Variants in KCNIP3 observed in about 807,000 individuals in gnomAD.
The protein encoded by KCNIP3 is potassium voltage-gated channel interacting protein 3, also known as calsenilin.
A neutral mutation model predicts 35.0 loss-of-function variants in KCNIP3; 28 were observed. That is an observed-to-expected ratio of 0.80 (90% CI 0.59 to 1.10). KCNIP3 has a LOEUF of 1.10. KCNIP3 is among the 50% of genes least tolerant of loss of function. KCNIP3 has a pLI of 0.00. For missense variants in KCNIP3, 295 were observed against 338.4 expected (o/e 0.87, Z 1.01); for synonymous variants, 134 against 133.8 (o/e 1.00, Z -0.01).
chr2:95,360,390 A>G (rs892984185), intron 2 of KCNIP3, among the ~76,000 whole-genome samples: 2 of 152,104 alleles, frequency 1.3e-5, no homozygotes, highest in Non-Finnish European at 2.9e-5. Context: ...ATCTCCAGGA[A>G]GTTTCAGACT....
intron 2 of KCNIP3, among the ~76,000 whole-genome samples, chr2:95,359,588 C>T (rs1679741006): frequency 1.3e-5 from 2 of 152,192 alleles, no homozygotes; most frequent in South Asian, 4.1e-4. Flanking sequence ...GCAGCCCAGC[C>T]CCTGTGGCTC....
Position 95,310,534 on chromosome 2 carries a change from TG to T in KCNIP3, c.181+17del. The stretch of plus-strand genomic sequence containing the variant: ...CACAGGGCTCAGGTAGGGGCCAGGG[TG>T]GGCTGTGGTCAAGGGTGGGGGTGGG... On this transcript the variant is annotated intron_variant, in intron 2 of 8. Transcript: ENST00000295225. The T allele has an allele frequency of 6.9e-7, 1 of 1,444,678 alleles. No individual in the cohort carries two copies. The highest frequency in any genetic ancestry group is 9.2e-7 in the Non-Finnish European group (1 of 1,082,820). 89.5% of individuals were successfully genotyped at this position (1,444,678 alleles called of 1,614,324 possible). A position where few individuals can be genotyped will look rare whatever the true frequency, so the allele number is the denominator to read the frequency against.
intron 2 of KCNIP3, among the ~76,000 whole-genome samples, chr2:95,349,510 C>T (rs1043927360): frequency 6.6e-6 from 1 of 152,232 alleles, no homozygotes; most frequent in African/African-American, 2.4e-5. Flanking sequence ...CCATCAGTCC[C>T]TTTCCCTTGA....
intron 2 of KCNIP3, among the ~76,000 whole-genome samples, chr2:95,317,821 C>T (rs1003121790): frequency 3.9e-5 from 6 of 152,160 alleles, no homozygotes; most frequent in Non-Finnish European, 7.4e-5. Context: ...GGGCAGGAGT[C>T]GGGCGGATTA....
intron 2 of KCNIP3, among the ~76,000 whole-genome samples, chr2:95,365,798 C>A (rs1331172094): frequency 6.6e-6 from 1 of 152,076 alleles, no homozygotes; most frequent in African/African-American, 2.4e-5. Context: ...TGTTTTTCCT[C>A]TTTTACACCC....
At chr2:95,322,649 G>C (rs1287811946) in intron 2 of KCNIP3, among the ~76,000 whole-genome samples, 1 of 152,194 alleles carries the variant, frequency 6.6e-6, no homozygotes, top group Non-Finnish European at 1.5e-5. Flanking sequence ...TTGGGGCCTC[G>C]GTTTTCTTGT....
intron 2 of KCNIP3, among the ~76,000 whole-genome samples, chr2:95,359,873 G>A (rs1272601764): frequency 6.6e-6 from 1 of 152,378 alleles, no homozygotes; most frequent in Non-Finnish European, 1.5e-5. Context: ...GGAATGTGAG[G>A]AGCAGAGTCC....
Position 95,304,586 on chromosome 2 carries a change from CAGG to C in KCNIP3, c.16-5766_16-5764del, listed in dbSNP as rs536040677. On this transcript the variant is annotated intron_variant, in intron 1 of 8. Coordinates refer to ENST00000295225, the MANE Select transcript of KCNIP3 (RefSeq NM_013434.5). ...GGCTGGGTTTACCCCTGTTGAATAA[CAGG>C]AGAACGCATACCCCAGGGACCCTGG... 6.6e-3 allele frequency among the ~76,000 whole-genome samples: 998 copies of C among 152,322 alleles called. 16 individuals carry two copies. Among genetic ancestry groups the C allele is most frequent in the African/African-American group, 0.022 (934 of 41,578 alleles).
intron 5 of KCNIP3, 64 bp from the exon 6 acceptor site, chr2:95,381,532 G>A: frequency 8.2e-7 from 1 of 1,213,432 alleles, no homozygotes; most frequent in Non-Finnish European, 1.2e-6. Flanking sequence ...AAGCCACACA[G>A]CAACTGGAAC....
Position 95,327,434 on chromosome 2 carries a change from C to T in KCNIP3, c.181+16914C>T, listed in dbSNP as rs188428859. 4.5e-4 allele frequency among the ~76,000 whole-genome samples: 69 copies of T among 152,284 alleles called. 1 individual carries two copies. Among genetic ancestry groups the T allele is most frequent in the Admixed American group, 2.0e-3 (30 of 15,298 alleles). On this transcript the variant is annotated intron_variant, in intron 2 of 8. Transcript: ENST00000295225. ...ACGCTTACACTCACACATGCACACA[C>T]GTACACACCCACACACGCACAGTCA... is the stretch of plus-strand genomic sequence containing the variant.
At chr2:95,342,161 C>T (rs2104258806) in intron 2 of KCNIP3, among the ~76,000 whole-genome samples, 1 of 152,226 alleles carries the variant, frequency 6.6e-6, no homozygotes, top group African/African-American at 2.4e-5. Context: ...ACCACAGCCA[C>T]ACGAGAAAGA....
intron 2 of KCNIP3, among the ~76,000 whole-genome samples, chr2:95,325,660 C>T: frequency 6.7e-6 from 1 of 149,180 alleles, no homozygotes; most frequent in African/African-American, 2.4e-5. Context: ...CAAATAGATA[C>T]ACACTCATAC....
intron 2 of KCNIP3, among the ~76,000 whole-genome samples, chr2:95,322,429 C>A (rs1678619626): frequency 1.3e-5 from 2 of 152,128 alleles, no homozygotes; most frequent in Admixed American, 6.6e-5. Flanking sequence ...AAGCCCTGTC[C>A]CCGTGGGACA....
chr2:95,302,073 C>T (rs1257382305), intron 1 of KCNIP3, among the ~76,000 whole-genome samples: 2 of 152,154 alleles, frequency 1.3e-5, no homozygotes, highest in South Asian at 2.1e-4. Context: ...CTGGGGCCTG[C>T]ACGACACAAC....
intron 2 of KCNIP3, among the ~76,000 whole-genome samples, chr2:95,332,758 T>C (rs887085100): frequency 6.6e-6 from 1 of 152,198 alleles, no homozygotes; most frequent in African/African-American, 2.4e-5. Context: ...CTTTATATTT[T>C]CAAGACAACA....
At chr2:95,298,840 TC>T (rs1677946722) in intron 1 of KCNIP3, 1 of 152,274 alleles carries the variant, frequency 6.6e-6, no homozygotes. Context: ...TGCCCCAGGC[TC>T]ACACACTACG....
At chr2:95,305,893 A>G (rs936047524) in intron 1 of KCNIP3, among the ~76,000 whole-genome samples, 1 of 152,190 alleles carries the variant, frequency 6.6e-6, no homozygotes, top group African/African-American at 2.4e-5. Context: ...TCATTCACCC[A>G]TTGAAGGGCA....
chr2:95,310,078 A>C (rs978459745), intron 1 of KCNIP3: 89 of 561,098 alleles, frequency 1.6e-4, no homozygotes, highest in Middle Eastern at 1.4e-3. Flanking sequence ...CCAATGAGTA[A>C]GTCTGGGATC....
chr2:95,333,603 G>A (rs2104247811), intron 2 of KCNIP3, among the ~76,000 whole-genome samples: 1 of 152,354 alleles, frequency 6.6e-6, no homozygotes. Flanking sequence ...GGCAAGTCCT[G>A]TAGCCTCTGT....
Sources: allele counts gnomAD v4.1 joint callset (sites outside exome capture counted in the v4.1 genomes callset), GRCh38; gene constraint gnomAD v4.1.1; transcripts MANE v1.5; gene names NCBI Gene and HGNC (gene_info 2026-07-23, HGNC 2026-07-21).